RTN1: variants seen among roughly 807,000 people sequenced by gnomAD.
RTN1 encodes reticulon-1.
Under a neutral mutation model 65.5 loss-of-function variants are expected in RTN1, and 25 were observed. That is an observed-to-expected ratio of 0.38 (90% CI 0.28 to 0.53). The LOEUF (loss-of-function observed/expected upper bound fraction) is 0.53, where lower values mean the gene tolerates loss of function less well. Ranked by LOEUF, RTN1 falls within the 20% of genes least tolerant of loss-of-function variation. RTN1 has a pLI of 0.79. For missense variants in RTN1, 983 were observed against 1,025.4 expected (o/e 0.96, Z 0.57); for synonymous variants, 471 against 447.6 (o/e 1.05, Z -0.66).
chr14:59,702,263 A>C (rs970991041), intron 3 of RTN1, among the ~76,000 whole-genome samples: 4 of 152,226 alleles, frequency 2.6e-5, no homozygotes, highest in Non-Finnish European at 5.9e-5. Context: ...ACTCCCTGTG[A>C]ATACACTGTA....
chr14:59,760,094 T>C (rs1885719143), intron 1 of RTN1, among the ~76,000 whole-genome samples: 1 of 152,106 alleles, frequency 6.6e-6, no homozygotes, highest in Non-Finnish European at 1.5e-5. Context: ...AAAATTGGAA[T>C]CAAATATCCA....
chr14:59,740,429 C>T (rs536763756), intron 2 of RTN1, among the ~76,000 whole-genome samples: 7 of 152,360 alleles, frequency 4.6e-5, no homozygotes, highest in Admixed American at 4.6e-4. Flanking sequence ...TTACATTTGA[C>T]TCTCAGCTAA....
At chr14:59,835,389 A>ATTCTGCACACAAGTCCTTTATCAGGTAT (rs1887196756) in intron 1 of RTN1, among the ~76,000 whole-genome samples, 1 of 152,154 alleles carries the variant, frequency 6.6e-6, no homozygotes, top group Non-Finnish European at 1.5e-5. Context: ...TGATTGTGGT[A>ATTCTGCACACAAGTCCTTTATCAGGTAT]ATGATTTCAC....
At chr14:59,658,996 A>G (rs545472724) in intron 3 of RTN1, among the ~76,000 whole-genome samples, 10 of 152,288 alleles carry the variant, frequency 6.6e-5, no homozygotes, top group Admixed American at 1.3e-4. Context: ...AAAAAAGGTT[A>G]GACGAATTGT....
At position 59,870,578 on chromosome 14, in the gene RTN1, C is replaced by T. The variant is rs989983173; in HGVS notation, c.53G>A (p.Gly18Glu). 1 of 1,449,292 alleles carries T rather than the reference C, an allele frequency of 6.9e-7. No homozygotes were observed. Among genetic ancestry groups the T allele is most frequent in the African/African-American group, 1.5e-5 (1 of 67,728 alleles). 89.8% of individuals were successfully genotyped at this position (1,449,292 alleles called of 1,614,324 possible). A position where few individuals can be genotyped will look rare whatever the true frequency, so the allele number is the denominator to read the frequency against. The part of the protein sequence containing the change: ...QDELLPLAGP[G>E]SQWLRHRGEG... ...CCCCCGGTGCCTGAGCCACTGGGAC[C>T]CGGGGCCGGCCAGCGGCAGCAGCTC... Residue 18 changes from glycine to glutamate, a missense_variant, in exon 1 of 9, where the codon GGG (glycine) becomes GAG (glutamate). Coordinates refer to ENST00000267484, the MANE Select transcript of RTN1 (RefSeq NM_021136.3). The surrounding 1 kb of genome is among the most constrained non-coding windows in gnomAD (Gnocchi z 5.1).
chr14:59,723,981 A>C (rs1246947296), intron 3 of RTN1, among the ~76,000 whole-genome samples: 2 of 152,222 alleles, frequency 1.3e-5, no homozygotes, highest in Non-Finnish European at 2.9e-5. Context: ...GATTAATCAC[A>C]CTGGGTATTA....
chr14:59,745,609 G>A, intron 2 of RTN1, 99 bp downstream of exon 2: 1 of 1,037,918 alleles, frequency 9.6e-7, no homozygotes, highest in Non-Finnish European at 1.4e-6. Flanking sequence ...AGATAGTAAA[G>A]TATGTTGAAT....
intron 1 of RTN1, among the ~76,000 whole-genome samples, chr14:59,854,350 A>G (rs1887564522): frequency 1.3e-5 from 2 of 152,078 alleles, no homozygotes; most frequent in African/African-American, 4.8e-5. Flanking sequence ...AGATCATAAA[A>G]TAGATGCTGT....
At chr14:59,810,305 T>C (rs529780842) in intron 1 of RTN1, among the ~76,000 whole-genome samples, 53 of 152,268 alleles carry the variant, frequency 3.5e-4, no homozygotes, top group Non-Finnish European at 6.8e-4. Context: ...AAGCTTAGGG[T>C]TCCTTGGCTG....
intron 3 of RTN1, among the ~76,000 whole-genome samples, chr14:59,613,285 C>T (rs1325861330): frequency 1.3e-5 from 2 of 152,028 alleles, no homozygotes; most frequent in African/African-American, 2.4e-5. Flanking sequence ...AGTGGATAAA[C>T]AAGCTATAGA....
chr14:59,821,262 C>T (rs972538509), intron 1 of RTN1, among the ~76,000 whole-genome samples: 2 of 151,906 alleles, frequency 1.3e-5, no homozygotes, highest in Non-Finnish European at 2.9e-5. Context: ...TATTTTATTC[C>T]TTTTGTGGAT....
chr14:59,859,185 T>G (rs1887661550), intron 1 of RTN1, among the ~76,000 whole-genome samples: 1 of 152,262 alleles, frequency 6.6e-6, no homozygotes, highest in Non-Finnish European at 1.5e-5. Flanking sequence ...TGATATGGCT[T>G]GACTGTGTCC....
intron 1 of RTN1, among the ~76,000 whole-genome samples, chr14:59,832,321 T>C (rs547431751): frequency 6.6e-6 from 1 of 152,242 alleles, no homozygotes; most frequent in Non-Finnish European, 1.5e-5. Context: ...CTTTTTTTTT[T>C]CGTTCTTTCT....
chr14:59,795,847 T>C (rs931547925), intron 1 of RTN1, among the ~76,000 whole-genome samples: 8 of 152,186 alleles, frequency 5.3e-5, no homozygotes, highest in African/African-American at 1.9e-4. Context: ...AATGCCCCAG[T>C]AAAACCTCTC....
At chr14:59,728,249 C>CTTTTTTTTTT (rs200434592) in intron 2 of RTN1, among the ~76,000 whole-genome samples, 3 of 124,164 alleles carry the variant, frequency 2.4e-5, no homozygotes, top group African/African-American at 3.0e-5. Flanking sequence ...GAATCAGTAT[C>CTTTTTTTTTT]TTTTTTTTTT....
At chr14:59,768,949 C>G (rs1384254446) in intron 1 of RTN1, among the ~76,000 whole-genome samples, 2 of 151,974 alleles carry the variant, frequency 1.3e-5, no homozygotes, top group Admixed American at 1.3e-4. Flanking sequence ...TCTAGGTGAC[C>G]AATCACCTCA....
intron 3 of RTN1, among the ~76,000 whole-genome samples, chr14:59,704,558 T>C (rs1229873741): frequency 6.6e-6 from 1 of 152,214 alleles, no homozygotes; most frequent in African/African-American, 2.4e-5. Context: ...CTAGTCCACA[T>C]TTCCATTGAC....
intron 3 of RTN1, chr14:59,610,029 G>A (rs1353615715): frequency 4.2e-6 from 3 of 717,032 alleles, no homozygotes; most frequent in Non-Finnish European, 7.8e-6. Context: ...AGACGTGAAG[G>A]GGCTCAGAAG....
intron 3 of RTN1, among the ~76,000 whole-genome samples, chr14:59,632,114 C>G (rs953244858): frequency 1.3e-5 from 2 of 152,124 alleles, no homozygotes; most frequent in African/African-American, 4.8e-5. Context: ...AGAATACAAG[C>G]TTGTGGAGAA....
Sources: allele counts gnomAD v4.1 joint callset (sites outside exome capture counted in the v4.1 genomes callset), GRCh38; gene constraint gnomAD v4.1.1; non-coding constraint Gnocchi (gnomAD v3.1); transcripts MANE v1.5; gene names NCBI Gene and HGNC (gene_info 2026-07-23, HGNC 2026-07-21).